TLL2: variants seen among roughly 807,000 people sequenced by gnomAD.
TLL2 encodes the protein tolloid like 2.
In TLL2, 106 loss-of-function variants were observed where a neutral mutation model predicts 123.0. That is an observed-to-expected ratio of 0.86 (90% confidence interval 0.74 to 1.01). The LOEUF (loss-of-function observed/expected upper bound fraction) is 1.01, where lower values mean the gene tolerates loss of function less well. TLL2 is among the 50% of genes least tolerant of loss of function. The probability of loss-of-function intolerance (pLI) is 0.00; values close to 1 mark genes in which losing one functional copy is unlikely to be tolerated. For missense variants in TLL2, 1,332 were observed against 1,336.7 expected (o/e 1.00, Z 0.06); for synonymous variants, 494 against 516.8 (o/e 0.96, Z 0.60).
At chr10:96,494,404 C>T (rs1847450011) in intron 1 of TLL2, among the ~76,000 whole-genome samples, 1 of 152,230 alleles carries the variant, frequency 6.6e-6, no homozygotes, top group Non-Finnish European at 1.5e-5. Flanking sequence ...AGCCCCCTGA[C>T]CTTCCTGGTC....
At chr10:96,458,726 G>A (rs1452392811) in intron 2 of TLL2, among the ~76,000 whole-genome samples, 2 of 151,224 alleles carry the variant, frequency 1.3e-5, no homozygotes, top group Non-Finnish European at 2.9e-5. Context: ...AGCCGAAATC[G>A]TGCCACTGCA....
At chr10:96,472,616 G>T (rs574429938) in intron 2 of TLL2, among the ~76,000 whole-genome samples, 1 of 152,156 alleles carries the variant, frequency 6.6e-6, no homozygotes, top group South Asian at 2.1e-4. Flanking sequence ...ACAAAAATTA[G>T]CCAGGCACGG....
At chr10:96,403,429 C>T (rs958641808) in intron 10 of TLL2, among the ~76,000 whole-genome samples, 1 of 152,226 alleles carries the variant, frequency 6.6e-6, no homozygotes, top group Non-Finnish European at 1.5e-5. Flanking sequence ...GCTACTTTGA[C>T]CCAACCTGGA....
chr10:96,464,959 G>A (rs1000293512), intron 2 of TLL2, among the ~76,000 whole-genome samples: 1 of 152,174 alleles, frequency 6.6e-6, no homozygotes, highest in Non-Finnish European at 1.5e-5. Context: ...TTATCACATG[G>A]TCTTTGCATA....
At chr10:96,425,954 T>C (rs770596129) in intron 5 of TLL2, among the ~76,000 whole-genome samples, 29 of 152,242 alleles carry the variant, frequency 1.9e-4, no homozygotes, top group Non-Finnish European at 3.8e-4. Flanking sequence ...CTTCTAGAAG[T>C]ATCATCGATA....
At position 96,513,856 on chromosome 10, in the gene TLL2, G is replaced by A; in HGVS notation, c.-171C>T. On this transcript the variant is annotated 5_prime_UTR_variant, in exon 1 of 21. The change creates a new upstream start codon in the 5' untranslated region. Coordinates refer to ENST00000357947, the MANE Select transcript of TLL2 (RefSeq NM_012465.4). ...GCGGAGCGCGGCGCCCCCTGTCTTC[G>A]TCGAGGCAACCGGGAAGCAGCCGCT... The A allele has an allele frequency of 1.4e-6, 1 of 697,722 alleles. No homozygotes were observed. The highest frequency in any genetic ancestry group is 2.1e-6 in the Non-Finnish European group (1 of 467,218). 43.2% of individuals were successfully genotyped at this position (697,722 alleles called of 1,614,324 possible). A position where few individuals can be genotyped will look rare whatever the true frequency, so the allele number is the denominator to read the frequency against.
intron 2 of TLL2, among the ~76,000 whole-genome samples, chr10:96,467,541 T>C (rs1008347744): frequency 1.3e-5 from 2 of 152,182 alleles, no homozygotes; most frequent in East Asian, 3.8e-4. Context: ...CCATAAAAGA[T>C]CTTTTATTTT....
Position 96,370,109 on chromosome 10 carries a change from A to G in TLL2, c.2869T>C (p.Tyr957His). 12 of 1,612,732 alleles carry G rather than the reference A, an allele frequency of 7.4e-6. No individual in the cohort carries two copies. The highest frequency in any genetic ancestry group is 1.0e-5 in the Non-Finnish European group (12 of 1,179,420). Reference protein sequence around the residue: ...GYDYMEAYDGYDSSAPRLGRF... With the variant: ...GYDYMEAYDGHDSSAPRLGRF... ...CCGAGCCTGGGCGCTGAGCTGTCGT[A>G]GCCGTCGTAGGCTTCCATGTAGTCG... Residue 957 changes from tyrosine to histidine, a missense_variant, in exon 20 of 21, where the codon TAC becomes CAC. Transcript: ENST00000357947.
At chr10:96,471,990 C>T (rs17111898) in intron 2 of TLL2, among the ~76,000 whole-genome samples, 1,695 of 152,240 alleles carry the variant, frequency 0.011, 55 homozygotes, top group East Asian at 0.055. Context: ...CAAAATGTCA[C>T]GCACAACATA....
intron 18 of TLL2, chr10:96,374,204 A>T: frequency 4.4e-6 from 1 of 226,692 alleles, no homozygotes; most frequent in South Asian, 7.5e-5. Flanking sequence ...AAGAGCCAGC[A>T]AGGGCTGAGT....
intron 4 of TLL2, among the ~76,000 whole-genome samples, chr10:96,430,417 C>T (rs901666696): frequency 1.3e-5 from 2 of 152,204 alleles, no homozygotes; most frequent in African/African-American, 2.4e-5. Context: ...CCTACAGAGC[C>T]GTGAGCCAAA....
chr10:96,448,258 C>T (rs1846919173), intron 2 of TLL2, among the ~76,000 whole-genome samples: 1 of 152,228 alleles, frequency 6.6e-6, no homozygotes, highest in Non-Finnish European at 1.5e-5. Flanking sequence ...TCCTGGCCCT[C>T]TGGGTATTCA....
chr10:96,418,169 T>C (rs1306581037), intron 7 of TLL2, among the ~76,000 whole-genome samples: 1 of 152,028 alleles, frequency 6.6e-6, no homozygotes, highest in Non-Finnish European at 1.5e-5. Context: ...GAAATGGTTA[T>C]CCCCTGAGGG....
chr10:96,382,561 TC>T (rs1846195532), intron 16 of TLL2, among the ~76,000 whole-genome samples: 1 of 152,212 alleles, frequency 6.6e-6, no homozygotes, highest in African/African-American at 2.4e-5. Flanking sequence ...ATAAACTTAA[TC>T]CCCAATGCAA....
rs529749861 is a variant in TLL2, at chr10:96,406,738, C to T, written c.1165-1404G>A. On this transcript the variant is annotated intron_variant, in intron 9 of 20. Transcript: ENST00000357947. ...ACTGCTCTTGCTCCTCTGCCCTTCC[C>T]GCTCCCTACTAGGTGAGAGCACCTC... 5.3e-5 allele frequency among the ~76,000 whole-genome samples: 8 copies of T among 152,272 alleles called. No homozygotes were observed. In the East Asian group the frequency reaches 1.5e-3, roughly 29 times the overall value.
chr10:96,506,327 A>G (rs552274628), intron 1 of TLL2, among the ~76,000 whole-genome samples: 1 of 150,994 alleles, frequency 6.6e-6, no homozygotes, highest in African/African-American at 2.4e-5. Context: ...AGTCAGCCCA[A>G]TTCCAAAGCA....
At chr10:96,397,668 T>A (rs2134063836) in intron 10 of TLL2, among the ~76,000 whole-genome samples, 1 of 152,328 alleles carries the variant, frequency 6.6e-6, no homozygotes, top group Admixed American at 6.5e-5. Context: ...TCCTGTTGCA[T>A]GTATACCCTT....
chr10:96,463,618 A>G (rs1847101937), intron 2 of TLL2, among the ~76,000 whole-genome samples: 1 of 152,174 alleles, frequency 6.6e-6, no homozygotes, highest in Non-Finnish European at 1.5e-5. Flanking sequence ...CCAGGCTCCC[A>G]GGCAGGGGGA....
chr10:96,421,793 C>T lies in TLL2; in HGVS notation c.818-732G>A, dbSNP rs375634021. 3.9e-4 allele frequency among the ~76,000 whole-genome samples: 60 copies of T among 152,160 alleles called. No individual in the cohort carries two copies. The East Asian group carries it at 0.011, about 29-fold the overall frequency. On this transcript the variant is annotated intron_variant, in intron 6 of 20. Transcript: ENST00000357947. ...CGGAGGTTGCAGTGAGCCAAGATCA[C>T]GCCACTGCACTCCAGCCTGGGCAGC...
Sources: gnomAD v4.1 joint callset for allele counts (sites outside exome capture counted in the v4.1 genomes callset) on GRCh38, gnomAD v4.1.1 for gene constraint, MANE v1.5 for transcripts, NCBI Gene and HGNC (gene_info 2026-07-23, HGNC 2026-07-21) for gene names.